The following AK8 variants were observed in gnomAD, a reference collection of about 807,000 sequenced individuals.
The protein encoded by AK8 is adenylate kinase 8, also known as ATP-AMP transphosphorylase 8.
AK8 carries 44 observed loss-of-function variants against 54.6 expected under a neutral mutation model. The observed-to-expected ratio is 0.81, with a 90% CI of 0.63 to 1.04. The LOEUF (loss-of-function observed/expected upper bound fraction) is 1.04. Among genes scored for constraint, AK8 ranks in the 50% least tolerant of loss-of-function variants. AK8 has a pLI of 0.00. For synonymous variants in AK8, 239 were observed against 245.6 expected (o/e 0.97, Z 0.25); for missense variants, 555 against 613.6 (o/e 0.90, Z 1.01).
At chr9:132,786,520 G>A (rs891420468) in intron 11 of AK8, among the ~76,000 whole-genome samples, 3 of 152,122 alleles carry the variant, frequency 2.0e-5, no homozygotes, top group African/African-American at 7.2e-5. Flanking sequence ...CCCTCCAGCA[G>A]GAGACTGCAT....
intron 2 of AK8, among the ~76,000 whole-genome samples, chr9:132,872,122 C>T (rs1434834093): frequency 1.3e-5 from 2 of 152,066 alleles, no homozygotes; most frequent in African/African-American, 4.8e-5. Flanking sequence ...ATCACTTGAG[C>T]CTAGGAGCAG....
At chr9:132,812,376 G>A (rs897788601) in intron 10 of AK8, among the ~76,000 whole-genome samples, 12 of 150,878 alleles carry the variant, frequency 8.0e-5, no homozygotes, top group Admixed American at 5.3e-4. Context: ...GACTACAGGC[G>A]CCCACCACCA....
intron 11 of AK8, among the ~76,000 whole-genome samples, chr9:132,756,622 G>A (rs747191603): frequency 6.6e-6 from 1 of 152,150 alleles, no homozygotes; most frequent in East Asian, 1.9e-4. Context: ...ACCCTCTCAC[G>A]GGAAATGCCG....
chr9:132,798,300 G>A (rs1387127178), intron 10 of AK8, among the ~76,000 whole-genome samples: 1 of 152,158 alleles, frequency 6.6e-6, no homozygotes, highest in East Asian at 1.9e-4. Flanking sequence ...TGTCTGTTTT[G>A]CTGTGGCTTG....
rs115528440 is a variant in AK8 at position 132,851,644 on chromosome 9, C to T, written c.402+3213G>A. Among the ~76,000 whole-genome samples, 369 of 152,262 alleles carry T rather than the reference C, an allele frequency of 2.4e-3. 4 individuals carry two copies. The highest frequency in any genetic ancestry group is 8.1e-3 in the African/African-American group (337 of 41,544). On this transcript the variant is annotated intron_variant, in intron 5 of 12. Coordinates refer to ENST00000298545, the MANE Select transcript of AK8 (RefSeq NM_152572.3). ...AGCTCACTGCCAAGTCCCCAGGTGC[C>T]CCTGGGTGATGTGCACATAGCACAG...
rs1173566100 is a variant in AK8 at position 132,790,020 on chromosome 9, CA to C, written c.1121+2613del. On this transcript the variant is annotated intron_variant, in intron 11 of 12. Transcript: ENST00000298545. This position sits in a 1 kb window ranked among gnomAD's most constrained non-coding sequence, Gnocchi z 4.1. ...AATGTAATATTCAGACGCATGACAG[CA>C]GGGGGCAAAGGTCCTAAGGGTCAAA... Among the ~76,000 whole-genome samples, 9 of 152,112 alleles carry C rather than the reference CA, an allele frequency of 5.9e-5. No individual in the cohort carries two copies. Among genetic ancestry groups the C allele is most frequent in the Admixed American group, 5.2e-4 (8 of 15,280 alleles).
At chr9:132,751,613 T>C (rs1216876400) in intron 11 of AK8, among the ~76,000 whole-genome samples, 2 of 151,140 alleles carry the variant, frequency 1.3e-5, no homozygotes, top group African/African-American at 4.9e-5. Context: ...CCGAGAAGCC[T>C]GTGACATCCT....
chr9:132,874,994 C>T (rs1298135512), intron 2 of AK8, 121 bp downstream of exon 2: 38 of 1,286,172 alleles, frequency 3.0e-5, no homozygotes, highest in East Asian at 5.0e-5. Flanking sequence ...CAGCTATTCT[C>T]GGGATGGGGC....
rs552205514 is a variant in AK8 at position 132,737,601 on chromosome 9, CTG to C, written c.1122-10069_1122-10068del. On this transcript the variant is annotated intron_variant, in intron 11 of 12. Transcript: ENST00000298545. ...CAAAAGTCAATCAATAAGTAATTGA[CTG>C]TATCATTAGAAGAAAAAGTTTATAA... Among the ~76,000 whole-genome samples, 493 of 152,306 alleles carry C rather than the reference CTG, an allele frequency of 3.2e-3. 2 individuals are homozygous for C. Among genetic ancestry groups the C allele is most frequent in the Admixed American group, 6.2e-3 (95 of 15,308 alleles).
intron 4 of AK8, among the ~76,000 whole-genome samples, chr9:132,858,375 C>T (rs1194522290): frequency 6.6e-6 from 1 of 152,230 alleles, no homozygotes; most frequent in Non-Finnish European, 1.5e-5. Flanking sequence ...TGACTTCTCC[C>T]CAGTGGGCTT....
chr9:132,797,029 G>C (rs1840205175), intron 10 of AK8, among the ~76,000 whole-genome samples: 2 of 152,092 alleles, frequency 1.3e-5, no homozygotes, highest in Non-Finnish European at 2.9e-5. Context: ...GAAAGGGAAT[G>C]CTCACGCTGG....
At chr9:132,875,801 A>C (rs776530033) in intron 1 of AK8, among the ~76,000 whole-genome samples, 9 of 152,212 alleles carry the variant, frequency 5.9e-5, no homozygotes, top group Non-Finnish European at 8.8e-5. Context: ...TTGGCACCCC[A>C]ATACCTGGCA....
chr9:132,767,613 CAAAA>C (rs1331619308), intron 11 of AK8, among the ~76,000 whole-genome samples: 1 of 152,082 alleles, frequency 6.6e-6, no homozygotes, highest in Non-Finnish European at 1.5e-5. Flanking sequence ...GGATGTGTAT[CAAAA>C]AGAAAGAAAC....
intron 7 of AK8, chr9:132,827,517 G>A (rs557548025): frequency 7.9e-4 from 170 of 215,624 alleles, no homozygotes; most frequent in African/African-American, 3.8e-3. Context: ...GAAGATCAAG[G>A]GCAGTCCCGT....
chr9:132,850,054 A>ATTTT (rs779350912), intron 5 of AK8, among the ~76,000 whole-genome samples: 1 of 101,336 alleles, frequency 9.9e-6, no homozygotes. Flanking sequence ...ACCCTAGTAC[A>ATTTT]TTTTTTTTTT....
intron 4 of AK8, among the ~76,000 whole-genome samples, chr9:132,857,547 C>G (rs1280739395): frequency 1.3e-5 from 2 of 152,180 alleles, no homozygotes; most frequent in Non-Finnish European, 2.9e-5. Context: ...CTCCCATCCC[C>G]TTTCATCCTT....
intron 10 of AK8, among the ~76,000 whole-genome samples, chr9:132,810,753 C>T (rs1036706947): frequency 2.6e-5 from 4 of 152,088 alleles, no homozygotes; most frequent in South Asian, 4.2e-4. Context: ...TCTTGGCGAC[C>T]GTGACATCCC....
upstream of AK8, chr9:132,878,970 C>T: frequency 6.0e-6 from 1 of 167,424 alleles, no homozygotes. This position sits in a 1 kb window ranked among gnomAD's most constrained non-coding sequence, Gnocchi z 4.7. Context: ...ACTCCAACTT[C>T]TCTGGGTGCT....
At chr9:132,806,604 T>G (rs916062749) in intron 10 of AK8, among the ~76,000 whole-genome samples, 1 of 152,238 alleles carries the variant, frequency 6.6e-6, no homozygotes, top group Non-Finnish European at 1.5e-5. Context: ...TGGGGAGATT[T>G]ACTTTGTCTT....
Sources: allele counts gnomAD v4.1 joint callset (sites outside exome capture counted in the v4.1 genomes callset), GRCh38; gene constraint gnomAD v4.1.1; non-coding constraint Gnocchi (gnomAD v3.1); transcripts MANE v1.5; gene names NCBI Gene and HGNC (gene_info 2026-07-23, HGNC 2026-07-21).